The following SLC37A3 variants were observed in gnomAD, a reference collection of about 807,000 sequenced individuals.
The protein encoded by SLC37A3 is sugar phosphate exchanger 3.
SLC37A3 carries 51 observed loss-of-function variants against 67.1 expected under a neutral mutation model. That is an observed-to-expected ratio of 0.76 (90% CI 0.61 to 0.96). SLC37A3 has a LOEUF of 0.96. Among genes scored for constraint, SLC37A3 ranks in the 40% least tolerant of loss-of-function variants. The pLI is 0.00. For missense variants in SLC37A3, 508 were observed against 603.0 expected, an observed-to-expected ratio of 0.84 and a Z score of 1.65; for synonymous variants, 214 against 231.4, an observed-to-expected ratio of 0.92 and a Z score of 0.68.
At chr7:140,385,093 A>G (rs1018972702) in intron 1 of SLC37A3, among the ~76,000 whole-genome samples, 1 of 152,184 alleles carries the variant, frequency 6.6e-6, no homozygotes, top group East Asian at 1.9e-4. Context: ...TCTATAAATC[A>G]TAAGTGGTCA....
At chr7:140,339,766 T>C (rs1481196602) in intron 13 of SLC37A3, among the ~76,000 whole-genome samples, 1 of 151,008 alleles carries the variant, frequency 6.6e-6, no homozygotes, top group Non-Finnish European at 1.5e-5. Context: ...AGATGGAGTC[T>C]CACTCTGTCA....
At chr7:140,398,256 G>C (rs540256280) in intron 1 of SLC37A3, among the ~76,000 whole-genome samples, 160 bp downstream of exon 1, 1 of 152,114 alleles carries the variant, frequency 6.6e-6, no homozygotes, top group East Asian at 1.9e-4. Flanking sequence ...GGCCCAGGGA[G>C]GAGAAGGAGG....
At chr7:140,336,808 A>C (rs1217394892) in intron 14 of SLC37A3, among the ~76,000 whole-genome samples, 1 of 152,116 alleles carries the variant, frequency 6.6e-6, no homozygotes, top group Admixed American at 6.6e-5. Context: ...CTCACAAAGA[A>C]GAATGTGAAG....
At chr7:140,338,565 A>G (rs1796235142) in intron 13 of SLC37A3, among the ~76,000 whole-genome samples, 1 of 151,960 alleles carries the variant, frequency 6.6e-6, no homozygotes, top group African/African-American at 2.4e-5. Context: ...TCTGTCTCCC[A>G]GGTTCCAGTG....
chr7:140,341,718 G>A (rs1051414411), intron 13 of SLC37A3, among the ~76,000 whole-genome samples: 4 of 152,166 alleles, frequency 2.6e-5, no homozygotes, highest in African/African-American at 9.7e-5. Flanking sequence ...TCTGGATACT[G>A]GCAGGTGAGG....
chr7:140,390,711 C>T (rs1563055982), intron 1 of SLC37A3, among the ~76,000 whole-genome samples: 1 of 152,130 alleles, frequency 6.6e-6, no homozygotes, highest in Non-Finnish European at 1.5e-5. Flanking sequence ...CCACCCTTCT[C>T]CTCCATCCCC....
At chr7:140,387,381 A>G (rs1227380528) in intron 1 of SLC37A3, among the ~76,000 whole-genome samples, 2 of 151,776 alleles carry the variant, frequency 1.3e-5, no homozygotes, top group East Asian at 3.9e-4. Flanking sequence ...TGGGAGGCCA[A>G]GGCAGGTGGA....
chr7:140,344,390 T>C (rs2117039287), intron 12 of SLC37A3, among the ~76,000 whole-genome samples: 1 of 152,264 alleles, frequency 6.6e-6, no homozygotes, highest in South Asian at 2.1e-4. Flanking sequence ...ATCGCACCAC[T>C]GCACTCCCAT....
chr7:140,339,098 C>G (rs1796254169), intron 13 of SLC37A3, among the ~76,000 whole-genome samples: 2 of 151,952 alleles, frequency 1.3e-5, no homozygotes, highest in Admixed American at 1.3e-4. Context: ...CTCACTGTAA[C>G]TTCCCTTCAT....
intron 9 of SLC37A3, among the ~76,000 whole-genome samples, chr7:140,350,739 G>A (rs892442020): frequency 6.6e-6 from 1 of 151,930 alleles, no homozygotes. Flanking sequence ...ACTCCAGCCT[G>A]GGTGACAGAG....
At chr7:140,355,134 T>G (rs779745985) in intron 7 of SLC37A3, among the ~76,000 whole-genome samples, 11 of 152,170 alleles carry the variant, frequency 7.2e-5, no homozygotes, top group Non-Finnish European at 1.5e-4. Context: ...TTGTTACGAA[T>G]AATTTTTTAT....
chr7:140,343,718 G>A, intron 12 of SLC37A3, 155 bp from the exon 13 acceptor site: 4 of 704,036 alleles, frequency 5.7e-6, no homozygotes, highest in Non-Finnish European at 9.1e-6. Flanking sequence ...CAAACTATTA[G>A]TAGTTAACAT....
At chr7:140,364,171 A>G (rs1343978081) in intron 5 of SLC37A3, among the ~76,000 whole-genome samples, 1 of 151,784 alleles carries the variant, frequency 6.6e-6, no homozygotes, top group East Asian at 1.9e-4. Context: ...GAATCGCTTG[A>G]ACATGGGAGG....
rs201149525 is a variant in SLC37A3 at position 140,351,405 on chromosome 7, G to A, written c.750C>T (p.His250=). 17 of 1,614,132 alleles carry A rather than the reference G, an allele frequency of 1.1e-5. No individual in the cohort carries two copies. The highest frequency in any genetic ancestry group is 1.7e-5 in the Admixed American group (1 of 59,996). Residue 250 remains histidine (H), a synonymous_variant, in exon 9 of 15, where the codon CAC becomes CAT. Transcript: ENST00000326232. ...EAEENFEEDS[H]RPLINGGENE... is the part of the protein sequence containing the mutation. Reference sequence around the variant, plus strand: ...TTTCACCACCATTAATTAATGGCCTGTGTGAGTCTTCTTCAAAGTTTTCTT... The same window carrying A: ...TTTCACCACCATTAATTAATGGCCTATGTGAGTCTTCTTCAAAGTTTTCTT...
chr7:140,345,391 C>G, intron 11 of SLC37A3, 128 bp from the exon 12 acceptor site: 1 of 688,394 alleles, frequency 1.5e-6, no homozygotes, highest in East Asian at 2.7e-5. Flanking sequence ...CAAAGAGACA[C>G]AACTCTCTCT....
chr7:140,348,916 T>A (rs1796686840), intron 9 of SLC37A3, 149 bp from the exon 10 acceptor site: 1 of 928,214 alleles, frequency 1.1e-6, no homozygotes, highest in Non-Finnish European at 1.6e-6. Flanking sequence ...AACTCCCACA[T>A]GCCTGACTTC....
At chr7:140,362,259 A>C (rs1266528109) in intron 5 of SLC37A3, among the ~76,000 whole-genome samples, 1 of 139,738 alleles carries the variant, frequency 7.2e-6, no homozygotes, top group East Asian at 2.3e-4. Flanking sequence ...CTGGGAGGTG[A>C]GGAGCGTCTC....
chr7:140,339,999 G>C (rs1398151343), intron 13 of SLC37A3, among the ~76,000 whole-genome samples: 1 of 151,084 alleles, frequency 6.6e-6, no homozygotes, highest in Non-Finnish European at 1.5e-5. Flanking sequence ...CGGCCTCCCA[G>C]AGTGCTGGGA....
chr7:140,397,769 A>G (rs1798996546), intron 1 of SLC37A3, among the ~76,000 whole-genome samples: 1 of 152,186 alleles, frequency 6.6e-6, no homozygotes, highest in African/African-American at 2.4e-5. Flanking sequence ...CTTTTCAGTA[A>G]GAGTTACCAC....
Sources: allele counts gnomAD v4.1 joint callset (sites outside exome capture counted in the v4.1 genomes callset), GRCh38; gene constraint gnomAD v4.1.1; transcripts MANE v1.5; gene names NCBI Gene and HGNC (gene_info 2026-07-23, HGNC 2026-07-21).